Variants in CASP8 observed in about 807,000 individuals in gnomAD.
CASP8 encodes the protein caspase 8.
A neutral mutation model predicts 46.3 loss-of-function variants in CASP8; 24 were observed. That is an observed-to-expected ratio of 0.52 (90% CI 0.38 to 0.73). The LOEUF (loss-of-function observed/expected upper bound fraction) is 0.73. CASP8 is among the 30% of genes least tolerant of loss of function. The pLI, the probability that CASP8 is intolerant of heterozygous loss-of-function variation, is 0.00. For synonymous variants in CASP8, 188 were observed against 200.4 expected (o/e 0.94, Z 0.52); for missense variants, 460 against 559.0 (o/e 0.82, Z 1.79).
chr2:201,253,734 C>T (rs1946889168), intron 2 of CASP8, among the ~76,000 whole-genome samples: 1 of 152,064 alleles, frequency 6.6e-6, no homozygotes, highest in South Asian at 2.1e-4. Flanking sequence ...TGGGTATGGG[C>T]ATATAGTGCC....
chr2:201,233,546 CAGA>C (rs1945913251), exon 1 of CASP8: 2 of 152,316 alleles, frequency 1.3e-5, no homozygotes, highest in Admixed American at 6.5e-5. Context: ...CCAACAGCTT[CAGA>C]AGAAGGTGAC....
At chr2:201,237,080 T>C (rs1946081154) in intron 2 of CASP8, among the ~76,000 whole-genome samples, 1 of 143,838 alleles carries the variant, frequency 7.0e-6, no homozygotes, top group African/African-American at 2.6e-5. Flanking sequence ...GTATGACCCC[T>C]TTCTATTTTT....
intron 2 of CASP8, among the ~76,000 whole-genome samples, chr2:201,251,631 A>G (rs992236563): frequency 2.0e-5 from 3 of 149,086 alleles, no homozygotes; most frequent in African/African-American, 7.4e-5. Context: ...GGCCAGGCGC[A>G]GTGGCTCACA....
At position 201,272,829 on chromosome 2, in the gene CASP8, C is replaced by G. The variant is rs148353736; in HGVS notation, c.550+53C>G. The G allele has an allele frequency of 4.3e-5, 69 of 1,613,796 alleles. 1 individual carries two copies. In the Middle Eastern group the frequency reaches 1.8e-3, roughly 42 times the overall value. On this transcript the variant is annotated intron_variant, in intron 4 of 8. Transcript: ENST00000673742. The surrounding 1 kb of genome is among the most constrained non-coding windows in gnomAD (Gnocchi z 4.4). ...GGCAAAACCTACTCTAAAATTGAAACTGACAAATCGCTCCATATCACAGTT... is the reference window on the plus strand; with the variant it reads ...GGCAAAACCTACTCTAAAATTGAAAGTGACAAATCGCTCCATATCACAGTT...
chr2:201,285,114 A>T lies in CASP8; in HGVS notation c.1101A>T (p.Lys367Asn), dbSNP rs1446610314. Reference protein sequence around the residue: ...IQACQGDNYQKGIPVETDSEE... With the variant: ...IQACQGDNYQNGIPVETDSEE... ...CTTGTCAGGGGGATAACTACCAGAAAGGTATACCTGTTGAGACTGATTCAG... is the reference window on the plus strand; with the variant it reads ...CTTGTCAGGGGGATAACTACCAGAATGGTATACCTGTTGAGACTGATTCAG... Residue 367 changes from lysine (K) to asparagine (N), a missense_variant, in exon 8 of 9, where the codon AAA (lysine) becomes AAT (asparagine). Transcript: ENST00000673742. 1 of 1,614,196 alleles carries T rather than the reference A, an allele frequency of 6.2e-7. No homozygotes were observed. Among genetic ancestry groups the T allele is most frequent in the South Asian group, 1.1e-5 (1 of 91,088 alleles).
chr2:201,278,540 C>CT lies in CASP8; in HGVS notation c.802+1586dup, dbSNP rs768024144. On this transcript the variant is annotated intron_variant, in intron 7 of 8. Coordinates refer to ENST00000673742, the MANE Select transcript of CASP8 (RefSeq NM_001372051.1). The stretch of plus-strand genomic sequence containing the variant: ...TTCCTAATGCTAGACTGTATTTTTT[C>CT]TTTTTTTTTTTTTTGAGGCAGAGTC... 4.7e-3 allele frequency among the ~76,000 whole-genome samples: 678 copies of CT among 143,174 alleles called. 2 individuals carry two copies. The highest frequency in any genetic ancestry group is 0.01 in the African/African-American group (394 of 39,332). The allele number at this position is 143,174 out of a possible 152,430, so 93.9% of individuals were successfully genotyped here.
At chr2:201,256,168 C>T (rs544264812), upstream of CASP8, among the ~76,000 whole-genome samples, 3 of 152,284 alleles carry the variant, frequency 2.0e-5, no homozygotes, top group African/African-American at 2.4e-5. Context: ...CTGGAAGACT[C>T]ATATTTTTAG....
At chr2:201,246,449 A>G (rs1380995702) in intron 2 of CASP8, among the ~76,000 whole-genome samples, 3 of 152,194 alleles carry the variant, frequency 2.0e-5, no homozygotes, top group Non-Finnish European at 4.4e-5. Flanking sequence ...CCATCCCCAC[A>G]CACACTAGAA....
chr2:201,275,015 G>GA, intron 6 of CASP8, 62 bp downstream of exon 6: 1 of 1,182,648 alleles, frequency 8.5e-7, no homozygotes, highest in African/African-American at 1.7e-5. Context: ...TAATTTGTTA[G>GA]CTTTTTTTTT....
intron 1 of CASP8, among the ~76,000 whole-genome samples, chr2:201,261,687 TG>T (rs1157477314): frequency 1.3e-5 from 2 of 152,188 alleles, no homozygotes; most frequent in East Asian, 3.9e-4. Flanking sequence ...GCAGCCAGCC[TG>T]GATTGGAGGG....
At chr2:201,257,059 C>T (rs1191933926), upstream of CASP8, among the ~76,000 whole-genome samples, 4 of 152,056 alleles carry the variant, frequency 2.6e-5, no homozygotes, top group Non-Finnish European at 5.9e-5. Flanking sequence ...GCAGGAGAAT[C>T]GCTTGAACCC....
Position 201,262,995 on chromosome 2 carries a change from G to A in CASP8, c.-27+2382G>A, listed in dbSNP as rs565305350. 5.8e-4 allele frequency among the ~76,000 whole-genome samples: 89 copies of A among 152,280 alleles called. No homozygotes were observed. The South Asian group carries it at 6.2e-3, about 11-fold the overall frequency. ...CACGTTAGCATTTTCCCTTCTAAAT[G>A]TCAGTTATGATTTGATGGGGAAACC... is the stretch of plus-strand genomic sequence containing the variant. On this transcript the variant is annotated intron_variant, in intron 1 of 8. Transcript: ENST00000673742.
At chr2:201,271,113 A>G (rs907181434) in intron 2 of CASP8, among the ~76,000 whole-genome samples, 2 of 152,190 alleles carry the variant, frequency 1.3e-5, no homozygotes, top group Non-Finnish European at 2.9e-5. Flanking sequence ...GTCTTACTGA[A>G]GATAATGACT....
rs1198139044 is a variant in CASP8, at chr2:201,269,542, C to A, written c.306-1974C>A. On this transcript the variant is annotated intron_variant, in intron 2 of 8. Transcript: ENST00000673742. ...TTCTGCCGCATGAGCTGGGCTGAAG[C>A]AAACAGCCAGTGCCAGACACAGTCT... The A allele has an allele frequency of 1.2e-6, 2 of 1,613,698 alleles. No individual in the cohort carries two copies. Among genetic ancestry groups the A allele is most frequent in the Middle Eastern group, 1.7e-4 (1 of 6,058 alleles).
intron 2 of CASP8, among the ~76,000 whole-genome samples, chr2:201,252,652 A>G (rs1215251103): frequency 6.6e-6 from 1 of 152,194 alleles, no homozygotes; most frequent in Non-Finnish European, 1.5e-5. Flanking sequence ...CTCAAAGAAC[A>G]TCTGGTCCCC....
chr2:201,270,506 A>T (rs933232451), intron 2 of CASP8, among the ~76,000 whole-genome samples: 2 of 152,190 alleles, frequency 1.3e-5, no homozygotes, highest in African/African-American at 4.8e-5. Flanking sequence ...TATGAAAATA[A>T]AAAGGGTACG....
At chr2:201,275,763 CA>C (rs1312347632) in intron 6 of CASP8, among the ~76,000 whole-genome samples, 1 of 152,100 alleles carries the variant, frequency 6.6e-6, no homozygotes, top group Non-Finnish European at 1.5e-5. Flanking sequence ...TTTATTGAGA[CA>C]GGGGTCTTGC....
At chr2:201,248,173 A>C (rs989853886) in intron 2 of CASP8, among the ~76,000 whole-genome samples, 1 of 152,176 alleles carries the variant, frequency 6.6e-6, no homozygotes, top group African/African-American at 2.4e-5. Flanking sequence ...TTTTTCTACT[A>C]TTTCGGTAAT....
chr2:201,281,035 C>T (rs1161224052), intron 7 of CASP8, among the ~76,000 whole-genome samples: 5 of 151,950 alleles, frequency 3.3e-5, no homozygotes, highest in African/African-American at 4.8e-5. Flanking sequence ...TACTATGGGC[C>T]GGAGGTGGTG....
Sources: gnomAD v4.1 joint callset for allele counts (sites outside exome capture counted in the v4.1 genomes callset) on GRCh38, gnomAD v4.1.1 for gene constraint, Gnocchi (gnomAD v3.1) non-coding constraint, MANE v1.5 for transcripts, NCBI Gene and HGNC (gene_info 2026-07-23, HGNC 2026-07-21) for gene names.